The following STXBP5 variants were observed in gnomAD, a reference collection of about 807,000 sequenced individuals.
STXBP5 encodes the protein syntaxin-binding protein 5.
STXBP5 carries 50 observed loss-of-function variants against 152.4 expected under a neutral mutation model. The observed-to-expected ratio is 0.33, with a 90% CI of 0.26 to 0.42. STXBP5 has a LOEUF of 0.42. Among genes scored for constraint, STXBP5 ranks in the 10% least tolerant of loss-of-function variants. STXBP5 has a pLI of 1.00. For synonymous variants in STXBP5, 492 were observed against 494.7 expected, an observed-to-expected ratio of 0.99 and a Z score of 0.07; for missense variants, 1,167 against 1,388.6, an observed-to-expected ratio of 0.84 and a Z score of 2.54.
At chr6:147,247,002 A>G (rs1778842349) in intron 4 of STXBP5, among the ~76,000 whole-genome samples, 2 of 152,216 alleles carry the variant, frequency 1.3e-5, no homozygotes, top group African/African-American at 4.8e-5. Context: ...ATTTTATTAC[A>G]GTACTGTGCT....
chr6:147,260,748 C>T lies in STXBP5; in HGVS notation c.565C>T (p.Leu189=). 1 of 1,612,442 alleles carries T rather than the reference C, an allele frequency of 6.2e-7. No homozygotes were observed. The highest frequency in any genetic ancestry group is 8.5e-7 in the Non-Finnish European group (1 of 1,179,280). ...CATTATGTGGAATAAAGCCATTGAA[C>T]TGTGAGTTTGAACAAATATTTTGTA... is the stretch of plus-strand genomic sequence containing the variant. ...YVIMWNKAIE[L]SSKSHPGPVV... Residue 189 remains leucine, a splice_region_variant and synonymous_variant, in exon 5 of 28, where the codon CTG becomes TTG. Coordinates refer to ENST00000321680, the MANE Select transcript of STXBP5 (RefSeq NM_001127715.4).
At chr6:147,214,300 G>T (rs914580411) in intron 2 of STXBP5, among the ~76,000 whole-genome samples, 29 of 152,080 alleles carry the variant, frequency 1.9e-4, no homozygotes, top group African/African-American at 7.0e-4. Flanking sequence ...AGCAATTCTA[G>T]TTGGTTGGTT....
At position 147,368,490 on chromosome 6, in the gene STXBP5, T is replaced by C. The variant is rs74539009; in HGVS notation, c.3081+4324T>C. ...GGAACAGAAGAAAACTTAAAGGACA[T>C]GTAAGAAAAACCCACATCTCAAATA... On this transcript the variant is annotated intron_variant, in intron 25 of 27. Transcript: ENST00000321680. Among the ~76,000 whole-genome samples, 1,301 of 152,254 alleles carry C rather than the reference T, an allele frequency of 8.5e-3. 14 individuals carry two copies. The highest frequency in any genetic ancestry group is 0.028 in the African/African-American group (1,159 of 41,556).
In STXBP5 at chr6:147,313,834, T is replaced by TG. The variant is rs1434465564; in HGVS notation, c.1146-48dup. On this transcript the variant is annotated intron_variant, in intron 11 of 27. Coordinates refer to ENST00000321680, the MANE Select transcript of STXBP5 (RefSeq NM_001127715.4). ...AGTTTTTATTTTTGTATTAATCATA[T>TG]GGTATAATTCATTAAATTAATAAAT... The TG allele has an allele frequency of 3.3e-6, 4 of 1,195,290 alleles. No individual in the cohort carries two copies. In the African/African-American group the frequency reaches 6.2e-5, roughly 18 times the overall value. The allele number at this position is 1,195,290 out of a possible 1,614,324, so 74.0% of individuals were successfully genotyped here.
chr6:147,225,019 A>G (rs965324587), intron 2 of STXBP5, among the ~76,000 whole-genome samples: 26 of 152,348 alleles, frequency 1.7e-4, no homozygotes, highest in Admixed American at 5.2e-4. Flanking sequence ...TTTTGAAGGC[A>G]TATCAAAATA....
chr6:147,375,982 A>G (rs1268875669), intron 26 of STXBP5, among the ~76,000 whole-genome samples: 1 of 152,192 alleles, frequency 6.6e-6, no homozygotes, highest in Non-Finnish European at 1.5e-5. Context: ...AAACCTTGCC[A>G]TCACACTAAA....
intron 2 of STXBP5, among the ~76,000 whole-genome samples, chr6:147,209,467 C>G (rs1776741596): frequency 6.6e-6 from 1 of 151,956 alleles, no homozygotes; most frequent in Non-Finnish European, 1.5e-5. Flanking sequence ...TGGTTCTTCG[C>G]TTTCCACTAA....
chr6:147,272,501 A>G (rs1780221981), intron 7 of STXBP5, among the ~76,000 whole-genome samples: 2 of 152,238 alleles, frequency 1.3e-5, no homozygotes, highest in Admixed American at 6.5e-5. Flanking sequence ...CTATTCTGTC[A>G]TAGAATTTGA....
chr6:147,316,198 G>T, intron 15 of STXBP5, 31 bp from the exon 16 acceptor site: 1 of 1,585,022 alleles, frequency 6.3e-7, no homozygotes, highest in African/African-American at 1.3e-5. Context: ...TAATTATTAG[G>T]AGTAAGTAAA....
rs1369854909 is a variant in STXBP5 at position 147,324,871 on chromosome 6, A to G, written c.1803-88A>G. The G allele has an allele frequency of 8.8e-6, 10 of 1,136,802 alleles. No individual in the cohort carries two copies. In the Admixed American group the frequency reaches 2.5e-4, roughly 28 times the overall value. 70.4% of individuals were successfully genotyped at this position (1,136,802 alleles called of 1,614,324 possible). On this transcript the variant is annotated intron_variant, in intron 16 of 27. Transcript: ENST00000321680. ...CTGATTTTTATATATTTAAGTATCTAGTATCGTTTCATATAAAAAGTTATT... is the reference window on the plus strand; with the variant it reads ...CTGATTTTTATATATTTAAGTATCTGGTATCGTTTCATATAAAAAGTTATT...
At chr6:147,237,456 T>C (rs976629154) in intron 3 of STXBP5, among the ~76,000 whole-genome samples, 3 of 152,208 alleles carry the variant, frequency 2.0e-5, no homozygotes, top group Non-Finnish European at 4.4e-5. Flanking sequence ...CTCTATGTCT[T>C]CTCTTCTTCC....
intron 2 of STXBP5, among the ~76,000 whole-genome samples, chr6:147,208,304 C>T (rs1287898491): frequency 6.6e-6 from 1 of 152,042 alleles, no homozygotes; most frequent in Non-Finnish European, 1.5e-5. Context: ...GTTTAAGTAG[C>T]AGATGAGCTT....
chr6:147,272,193 T>C (rs1260063308), intron 7 of STXBP5, among the ~76,000 whole-genome samples: 2 of 152,078 alleles, frequency 1.3e-5, no homozygotes, highest in Non-Finnish European at 2.9e-5. Flanking sequence ...ATAATACCTG[T>C]TGTACTTAGA....
chr6:147,359,798 T>C (rs1034055487), intron 23 of STXBP5, among the ~76,000 whole-genome samples: 3 of 152,104 alleles, frequency 2.0e-5, no homozygotes, highest in African/African-American at 7.2e-5. Context: ...ACTCATCATT[T>C]TTTATGGCTG....
chr6:147,287,334 C>T (rs1160496775), intron 8 of STXBP5, among the ~76,000 whole-genome samples: 1 of 148,408 alleles, frequency 6.7e-6, no homozygotes, highest in Non-Finnish European at 1.5e-5. Flanking sequence ...TCCCAAGTAG[C>T]TGGGACTACA....
chr6:147,338,881 T>C (rs2128397027), intron 19 of STXBP5, among the ~76,000 whole-genome samples: 1 of 151,310 alleles, frequency 6.6e-6, no homozygotes, highest in South Asian at 2.1e-4. Flanking sequence ...TTAAACACTA[T>C]TTATAGTTTT....
rs11963039 is a variant in STXBP5, at chr6:147,204,519, G to C, written c.-14G>C. The C allele has an allele frequency of 1.2e-6, 2 of 1,609,944 alleles. No homozygotes were observed. The highest frequency in any genetic ancestry group is 1.3e-5 in the African/African-American group (1 of 74,610). On this transcript the variant is annotated 5_prime_UTR_variant, in exon 1 of 28. Coordinates refer to ENST00000321680, the MANE Select transcript of STXBP5 (RefSeq NM_001127715.4). This position sits in a 1 kb window ranked among gnomAD's most constrained non-coding sequence, Gnocchi z 4.3. The stretch of plus-strand genomic sequence containing the variant: ...GCCTCCCCTCCCGGGCTGCGGGGGA[G>C]CCCCTCCGAGACCATGAGGAAATTC...
At chr6:147,337,214 C>CACACACACACACACACACA (rs150169446) in intron 19 of STXBP5, among the ~76,000 whole-genome samples, 2 of 147,270 alleles carry the variant, frequency 1.4e-5, no homozygotes, top group Non-Finnish European at 3.0e-5. Context: ...CACACACACA[C>CACACACACACACACACACA]AAGAAGTCAT....
chr6:147,372,878 A>T (rs918349759), intron 25 of STXBP5, among the ~76,000 whole-genome samples: 1 of 152,182 alleles, frequency 6.6e-6, no homozygotes, highest in African/African-American at 2.4e-5. Context: ...CTGATGATGT[A>T]CAAGGGAAGA....
Sources: gnomAD v4.1 joint callset for allele counts (sites outside exome capture counted in the v4.1 genomes callset) on GRCh38, gnomAD v4.1.1 for gene constraint, Gnocchi (gnomAD v3.1) non-coding constraint, MANE v1.5 for transcripts, NCBI Gene and HGNC (gene_info 2026-07-23, HGNC 2026-07-21) for gene names.